The following CLVS1 variants were observed in gnomAD, a reference collection of about 807,000 sequenced individuals.
The protein encoded by CLVS1 is clavesin-1.
CLVS1 carries 10 observed loss-of-function variants against 33.1 expected under a neutral mutation model. The ratio of observed to expected loss-of-function variants is 0.30; its 90% CI spans 0.19 to 0.51. The LOEUF is 0.51. Among genes scored for constraint, CLVS1 ranks in the 20% least tolerant of loss-of-function variants. The pLI is 0.97. For synonymous variants in CLVS1, 163 were observed against 166.1 expected (o/e 0.98, Z 0.14); for missense variants, 343 against 433.4 (o/e 0.79, Z 1.85).
chr8:61,010,105 A>T, the CLVS1 span, among the ~76,000 whole-genome samples: 2 of 152,220 alleles, frequency 1.3e-5, no homozygotes, highest in Non-Finnish European at 2.9e-5. Flanking sequence ...TAGGAAGGGC[A>T]GGGAAAAGAC....
intron 3 of CLVS1, among the ~76,000 whole-genome samples, chr8:61,411,072 T>C (rs772630482): frequency 1.3e-5 from 2 of 152,190 alleles, no homozygotes; most frequent in African/African-American, 2.4e-5. Context: ...GGGGGACCTA[T>C]ATCTGCATTC....
At position 61,307,672 on chromosome 8, in the gene CLVS1, G is replaced by A. The variant is rs868744535; in HGVS notation, c.455+7390G>A. On this transcript the variant is annotated intron_variant, in intron 2 of 5. Transcript: ENST00000325897. ...TTGTAAAGAAAGCATGCTTACATTT[G>A]CCTTTTATTGCTAGATTTTTTTTAT... 3.9e-5 allele frequency among the ~76,000 whole-genome samples: 6 copies of A among 152,158 alleles called. No individual in the cohort carries two copies. The Middle Eastern group carries it at 0.01, about 259-fold the overall frequency.
At chr8:61,050,875 T>C in the CLVS1 span, among the ~76,000 whole-genome samples, 1 of 152,180 alleles carries the variant, frequency 6.6e-6, no homozygotes, top group Admixed American at 6.5e-5. Flanking sequence ...GAAAAGGCCA[T>C]TTAAGCAAAA....
chr8:61,475,988 G>A (rs1318231573), intron 5 of CLVS1, among the ~76,000 whole-genome samples: 1 of 152,176 alleles, frequency 6.6e-6, no homozygotes, highest in Non-Finnish European at 1.5e-5. Flanking sequence ...GTGTAAGGAA[G>A]GGATCCAGTT....
At chr8:61,274,482 C>G (rs1421356507) in intron 2 of CLVS1, among the ~76,000 whole-genome samples, 1 of 152,082 alleles carries the variant, frequency 6.6e-6, no homozygotes, top group African/African-American at 2.4e-5. Flanking sequence ...GAATTTTTAT[C>G]TTGTTGCTTT....
chr8:61,295,269 A>C (rs1454078624), intron 1 of CLVS1, among the ~76,000 whole-genome samples: 1 of 152,202 alleles, frequency 6.6e-6, no homozygotes, highest in Non-Finnish European at 1.5e-5. Context: ...CATCAAGCAC[A>C]TTTCAGTGCT....
the CLVS1 span, among the ~76,000 whole-genome samples, chr8:61,014,268 T>G: frequency 6.6e-6 from 1 of 152,138 alleles, no homozygotes; most frequent in Non-Finnish European, 1.5e-5. Context: ...CTGATCAACT[T>G]GTTACTCCCA....
chr8:61,469,511 G>A lies in CLVS1; in HGVS notation c.977+10969G>A, dbSNP rs187394112. Among the ~76,000 whole-genome samples, 67 of 152,248 alleles carry A rather than the reference G, an allele frequency of 4.4e-4. 1 individual carries two copies. The highest frequency in any genetic ancestry group is 1.4e-3 in the African/African-American group (60 of 41,544). On this transcript the variant is annotated intron_variant, in intron 5 of 5. Coordinates refer to ENST00000325897, the MANE Select transcript of CLVS1 (RefSeq NM_173519.3). ...ATTTTAGGCCATGTTTCCCCACTTG[G>A]CCCCTGCCTGGGTAGTAAAAGTCAC...
chr8:61,072,451 T>C (rs1424406102), intron 1 of CLVS1, among the ~76,000 whole-genome samples: 1 of 152,238 alleles, frequency 6.6e-6, no homozygotes, highest in Non-Finnish European at 1.5e-5. Flanking sequence ...TTTATAGACC[T>C]TATATATTTT....
chr8:61,405,137 A>G (rs16927284), intron 3 of CLVS1, among the ~76,000 whole-genome samples: 4,899 of 152,262 alleles, frequency 0.032, 220 homozygotes, highest in African/African-American at 0.11. Flanking sequence ...AAATAATTCT[A>G]TTAGGCACTA....
intron 5 of CLVS1, among the ~76,000 whole-genome samples, chr8:61,485,904 T>C (rs1438323579): frequency 2.6e-5 from 4 of 151,872 alleles, no homozygotes; most frequent in East Asian, 3.9e-4. Context: ...ATGAGAACAC[T>C]TGGACATGGG....
At chr8:61,125,671 A>AT (rs1233096221) in intron 1 of CLVS1, among the ~76,000 whole-genome samples, 2 of 152,178 alleles carry the variant, frequency 1.3e-5, no homozygotes, top group African/African-American at 2.4e-5. Context: ...GTCCAAAGGG[A>AT]TTTTCTAATC....
At chr8:61,096,469 C>T (rs766809830) in intron 1 of CLVS1, among the ~76,000 whole-genome samples, 2 of 152,166 alleles carry the variant, frequency 1.3e-5, no homozygotes, top group African/African-American at 2.4e-5. Flanking sequence ...AAGAAAACCC[C>T]ATATTCTGTA....
intron 1 of CLVS1, among the ~76,000 whole-genome samples, chr8:61,066,922 G>A (rs1323772830): frequency 6.6e-6 from 1 of 152,126 alleles, no homozygotes; most frequent in Non-Finnish European, 1.5e-5. Flanking sequence ...ACACACGGCT[G>A]TCATAACTAA....
chr8:61,458,964 T>C (rs1377664810), intron 5 of CLVS1, among the ~76,000 whole-genome samples: 1 of 152,166 alleles, frequency 6.6e-6, no homozygotes, highest in Non-Finnish European at 1.5e-5. Flanking sequence ...GAGGTACAAA[T>C]GAGAATAAGA....
At position 61,300,406 on chromosome 8, in the gene CLVS1, G is replaced by A. The variant is rs192182348; in HGVS notation, c.455+124G>A. On this transcript the variant is annotated intron_variant, in intron 2 of 5. Coordinates refer to ENST00000325897, the MANE Select transcript of CLVS1 (RefSeq NM_173519.3). Reference sequence around the variant, plus strand: ...AAAAAATATTTCACATGTTCACCAAGGAAGTTTTAGGCCACAGGTGTGCTG... The same window carrying A: ...AAAAAATATTTCACATGTTCACCAAAGAAGTTTTAGGCCACAGGTGTGCTG... The A allele has an allele frequency of 4.6e-4, 392 of 854,186 alleles. 2 individuals carry two copies. Among genetic ancestry groups the A allele is most frequent in the Admixed American group, 1.7e-3 (57 of 33,876 alleles). 52.9% of individuals were successfully genotyped at this position (854,186 alleles called of 1,614,324 possible). A position where few individuals can be genotyped will look rare whatever the true frequency, so the allele number is the denominator to read the frequency against.
intron 3 of CLVS1, among the ~76,000 whole-genome samples, chr8:61,398,943 G>A (rs941481857): frequency 4.6e-5 from 7 of 152,106 alleles, no homozygotes; most frequent in Non-Finnish European, 7.3e-5. Context: ...TCTTTATCCA[G>A]TCTATCATTG....
the CLVS1 span, chr8:60,966,327 T>A: frequency 2.2e-6 from 1 of 454,642 alleles, no homozygotes; most frequent in Non-Finnish European, 4.4e-6. Flanking sequence ...AGCCTCTGCC[T>A]TTTTGTCTTC....
intron 2 of CLVS1, among the ~76,000 whole-genome samples, chr8:61,229,068 C>T (rs1728870486): frequency 1.3e-5 from 2 of 152,178 alleles, no homozygotes; most frequent in Non-Finnish European, 2.9e-5. Flanking sequence ...TACCTTACAT[C>T]TTTTTTGATG....
Sources: allele counts gnomAD v4.1 joint callset (sites outside exome capture counted in the v4.1 genomes callset), GRCh38; gene constraint gnomAD v4.1.1; transcripts MANE v1.5; gene names NCBI Gene and HGNC (gene_info 2026-07-23, HGNC 2026-07-21).